Variants in UPF3B observed in about 807,000 individuals in gnomAD.
The protein encoded by UPF3B is UPF3B regulator of nonsense mediated mRNA decay, also known as regulator of nonsense transcripts 3B.
In UPF3B, 7 loss-of-function variants were observed where a neutral mutation model predicts 40.3. That is an observed-to-expected ratio of 0.17 (90% CI 0.10 to 0.33). The LOEUF is 0.33. UPF3B is among the 10% of genes least tolerant of loss of function. UPF3B has a pLI of 1.00. For synonymous variants in UPF3B, 117 were observed against 117.3 expected (o/e 1.00, Z 0.01); for missense variants, 229 against 358.9 (o/e 0.64, Z 2.93).
At chrX:119,806,372 T>C (rs1224833947) in intron 6 of UPF3B, among the ~76,000 whole-genome samples, 18 of 90,316 alleles carry the variant, frequency 2.0e-4, no homozygotes, top group Non-Finnish European at 3.9e-4. Context: ...TTGGGAGATA[T>C]ACCTAATGCT....
At chrX:119,832,883 T>C (rs1009484811), downstream of UPF3B, among the ~76,000 whole-genome samples, 4 of 111,867 alleles carry the variant, frequency 3.6e-5, no homozygotes, top group Non-Finnish European at 7.5e-5. Context: ...AATTTTATAA[T>C]CAAAGCTTCA....
downstream of UPF3B, among the ~76,000 whole-genome samples, chrX:119,831,494 T>G (rs976436939): frequency 1.8e-5 from 2 of 111,203 alleles, no homozygotes; most frequent in Non-Finnish European, 3.8e-5. Flanking sequence ...GATTTTTGTA[T>G]TTTTAGTAGA....
intron 3 of UPF3B, among the ~76,000 whole-genome samples, chrX:119,825,074 C>G (rs1463304412): frequency 9.0e-6 from 1 of 111,429 alleles, no homozygotes; most frequent in Non-Finnish European, 1.9e-5. Context: ...GCCGTATCTC[C>G]ATTTCTTTCA....
At chrX:119,813,123 A>C (rs1328064157) in intron 5 of UPF3B, among the ~76,000 whole-genome samples, 2 of 111,988 alleles carry the variant, frequency 1.8e-5, no homozygotes, top group African/African-American at 6.5e-5. Flanking sequence ...AGGCGAACTG[A>C]TGCCACGTCA....
At chrX:119,825,113 TAGAA>T (rs1367433790) in intron 3 of UPF3B, among the ~76,000 whole-genome samples, 1 of 111,188 alleles carries the variant, frequency 9.0e-6, no homozygotes, top group African/African-American at 3.3e-5. Flanking sequence ...TTCACACTGG[TAGAA>T]AGAAATACCC....
intron 3 of UPF3B, chrX:119,823,139 G>T: frequency 2.7e-6 from 1 of 369,234 alleles, no homozygotes; most frequent in Non-Finnish European, 3.5e-6. Flanking sequence ...ATATACTAAA[G>T]CCCAGTCATT....
intron 3 of UPF3B, chrX:119,823,066 A>T (rs986939312): frequency 4.1e-6 from 3 of 734,362 alleles, no homozygotes; most frequent in African/African-American, 4.6e-5. Flanking sequence ...GAAATATGTT[A>T]CTGTTACAAC....
At chrX:119,824,508 CA>C (rs1267667318) in intron 3 of UPF3B, among the ~76,000 whole-genome samples, 1 of 108,861 alleles carries the variant, frequency 9.2e-6, no homozygotes, top group Non-Finnish European at 1.9e-5. Context: ...TGGCTGGCAA[CA>C]GGCTAGACAA....
rs564084231 is a variant in UPF3B at position 119,826,677 on chromosome X, A to C, written c.393-3634T>G. 1.1e-3 allele frequency among the ~76,000 whole-genome samples: 119 copies of C among 112,341 alleles called. 3 individuals are homozygous for C. In the South Asian group the frequency reaches 0.043, roughly 40 times the overall value. On this transcript the variant is annotated intron_variant, in intron 3 of 6. Coordinates refer to the UPF3B transcript ENST00000636792. Reference sequence around the variant, plus strand: ...CAAGTGGGATCTATTAGGTTGCTGCAAAATTAATTATTGTTTTTGCCATTG... The same window carrying C: ...CAAGTGGGATCTATTAGGTTGCTGCCAAATTAATTATTGTTTTTGCCATTG...
intron 1 of UPF3B, 84 bp downstream of exon 1, chrX:119,852,689 A>C: frequency 4.2e-6 from 5 of 1,177,034 alleles, no homozygotes; most frequent in Non-Finnish European, 5.8e-6. Flanking sequence ...CCTGAGAAAG[A>C]AAGGGGGCAG....
downstream of UPF3B, among the ~76,000 whole-genome samples, chrX:119,829,944 CT>C (rs1374761685): frequency 9.0e-6 from 1 of 111,695 alleles, no homozygotes; most frequent in East Asian, 2.8e-4. Context: ...TCTTGTCTTC[CT>C]TAATCTGTGG....
rs764769650 is a variant in UPF3B at position 119,810,289 on chromosome X, C to A, written c.603-2708G>T. Among the ~76,000 whole-genome samples the A allele has an allele frequency of 5.3e-5, 6 of 112,257 alleles. No homozygotes were observed. The East Asian group carries it at 1.4e-3, about 26-fold the overall frequency. ...AACAAGTAGGCTCTATTGGTTGCTACAAAATTAATTGCAGTTTTTGCCATT... is the reference window on the plus strand; with the variant it reads ...AACAAGTAGGCTCTATTGGTTGCTAAAAAATTAATTGCAGTTTTTGCCATT... On this transcript the variant is annotated intron_variant, in intron 5 of 6. Transcript: ENST00000636792.
At chrX:119,838,676 A>G (rs1844097778) in intron 8 of UPF3B, 149 bp from the exon 9 acceptor site, 4 of 545,612 alleles carry the variant, frequency 7.3e-6, no homozygotes, top group South Asian at 5.8e-5. Flanking sequence ...CAACTAGTGC[A>G]TAAGAGTAGT....
At chrX:119,845,165 C>A in intron 4 of UPF3B, 33 bp downstream of exon 4, 2 of 1,097,248 alleles carry the variant, frequency 1.8e-6, no homozygotes, top group Non-Finnish European at 2.5e-6. Flanking sequence ...AACCCCACAG[C>A]AATAGCATTA....
At chrX:119,817,614 T>G (rs1603366024) in intron 4 of UPF3B, among the ~76,000 whole-genome samples, 1 of 112,027 alleles carries the variant, frequency 8.9e-6, no homozygotes, top group East Asian at 2.8e-4. Flanking sequence ...AAATGTGTAT[T>G]ATCAAGAAAC....
At chrX:119,852,647 ACT>A in intron 1 of UPF3B, 124 bp downstream of exon 1, 1 of 1,057,788 alleles carries the variant, frequency 9.5e-7, no homozygotes, top group Non-Finnish European at 1.3e-6. Flanking sequence ...GGATGATGCG[ACT>A]TCCATTCAGG....
intron 3 of UPF3B, among the ~76,000 whole-genome samples, chrX:119,849,033 T>C (rs183691960): frequency 3.6e-5 from 4 of 112,069 alleles, no homozygotes; most frequent in African/African-American, 9.7e-5. Context: ...AAGCACCCTG[T>C]CACAGAATGT....
At chrX:119,806,316 C>T (rs1361439717) in intron 6 of UPF3B, among the ~76,000 whole-genome samples, 1 of 88,312 alleles carries the variant, frequency 1.1e-5, no homozygotes, top group African/African-American at 4.2e-5. Context: ...GGGAATATCA[C>T]ACTCTGGGGA....
chrX:119,833,274 G>A (rs2056055446), downstream of UPF3B, among the ~76,000 whole-genome samples: 1 of 112,200 alleles, frequency 8.9e-6, no homozygotes, highest in Non-Finnish European at 1.9e-5. Flanking sequence ...AACAAAAGGA[G>A]GCAGAAATTG....
Sources: allele counts gnomAD v4.1 joint callset (sites outside exome capture counted in the v4.1 genomes callset), GRCh38; gene constraint gnomAD v4.1.1; transcripts MANE v1.5; gene names NCBI Gene and HGNC (gene_info 2026-07-23, HGNC 2026-07-21).